CRISP2: variants seen among roughly 807,000 people sequenced by gnomAD.
CRISP2 encodes the protein cysteine rich secretory protein 2, also known as cysteine-rich secretory protein 2.
A neutral mutation model predicts 31.7 loss-of-function variants in CRISP2; 29 were observed. The ratio of observed to expected loss-of-function variants is 0.92; its 90% CI spans 0.68 to 1.25. The LOEUF (loss-of-function observed/expected upper bound fraction) is 1.25. CRISP2 is among the 50% of genes most tolerant of loss of function. The pLI is 0.00. For synonymous variants in CRISP2, 111 were observed against 101.4 expected (o/e 1.09, Z -0.57); for missense variants, 318 against 286.5 (o/e 1.11, Z -0.79).
the CRISP2 span, among the ~76,000 whole-genome samples, chr6:49,682,601 T>TTC: frequency 1.6e-5 from 1 of 62,574 alleles, no homozygotes; most frequent in Non-Finnish European, 2.6e-5. Context: ...CTTTCTTTCT[T>TTC]TCTTTCTTTC....
chr6:49,701,726 TAATG>T (rs1765886033), intron 4 of CRISP2, among the ~76,000 whole-genome samples: 1 of 111,036 alleles, frequency 9.0e-6, no homozygotes, highest in Non-Finnish European at 1.7e-5. Flanking sequence ...AATGTATATA[TAATG>T]TATATATACA....
chr6:49,697,990 G>A (rs1280250832), intron 7 of CRISP2, 33 bp from the exon 8 acceptor site: 1 of 1,460,722 alleles, frequency 6.8e-7, no homozygotes, highest in African/African-American at 1.4e-5. Context: ...ATATATAAAA[G>A]TACATTAGAG....
intron 9 of CRISP2, among the ~76,000 whole-genome samples, chr6:49,693,931 G>A (rs553701746): frequency 5.9e-5 from 9 of 152,052 alleles, no homozygotes; most frequent in Non-Finnish European, 1.3e-4. Flanking sequence ...TCGAGGGCTG[G>A]TCACTGGTAC....
the CRISP2 span, among the ~76,000 whole-genome samples, chr6:49,683,211 G>A: frequency 1.3e-5 from 2 of 149,080 alleles, no homozygotes; most frequent in African/African-American, 4.9e-5. Context: ...GAGACATGCA[G>A]TGTATACAAT....
At chr6:49,699,350 A>G (rs942557507) in intron 6 of CRISP2, among the ~76,000 whole-genome samples, 7 of 152,052 alleles carry the variant, frequency 4.6e-5, no homozygotes, top group African/African-American at 1.7e-4. Context: ...ATAATTCATC[A>G]TAAGTTCAAT....
At chr6:49,698,010 A>C in intron 7 of CRISP2, 53 bp from the exon 8 acceptor site, 1 of 1,359,880 alleles carries the variant, frequency 7.4e-7, no homozygotes, top group Non-Finnish European at 1.0e-6. Context: ...GAAGATGAAA[A>C]ATATTTAAAA....
intron 8 of CRISP2, among the ~76,000 whole-genome samples, chr6:49,696,849 T>C (rs1582037075): frequency 6.6e-6 from 1 of 152,132 alleles, no homozygotes; most frequent in Non-Finnish European, 1.5e-5. Context: ...GTGAAACAGA[T>C]ATAAAAGGAT....
intron 4 of CRISP2, among the ~76,000 whole-genome samples, chr6:49,705,958 C>A (rs1766946358): frequency 6.6e-6 from 1 of 152,284 alleles, no homozygotes; most frequent in Non-Finnish European, 1.5e-5. Flanking sequence ...TCCTGCCATG[C>A]TCCTGCAGTG....
chr6:49,711,253 A>G (rs1319830558), intron 3 of CRISP2, 32 bp downstream of exon 3: 1 of 152,234 alleles, frequency 6.6e-6, no homozygotes, highest in Non-Finnish European at 1.5e-5. Context: ...ATGATAAAAT[A>G]TTCACATTAA....
At chr6:49,702,275 G>A (rs1374534921) in intron 4 of CRISP2, among the ~76,000 whole-genome samples, 1 of 148,390 alleles carries the variant, frequency 6.7e-6, no homozygotes, top group African/African-American at 2.5e-5. Context: ...ACATGCGTGT[G>A]CAAGTGTCTT....
At chr6:49,710,117 G>T (rs1303592520) in intron 3 of CRISP2, among the ~76,000 whole-genome samples, 1 of 152,174 alleles carries the variant, frequency 6.6e-6, no homozygotes, top group East Asian at 1.9e-4. Context: ...TGGAAAGAAA[G>T]AAAATTCCGA....
chr6:49,684,869 A>G, the CRISP2 span, among the ~76,000 whole-genome samples: 1 of 152,202 alleles, frequency 6.6e-6, no homozygotes. Flanking sequence ...CTAAACTTTC[A>G]GTCAATTAGT....
At chr6:49,702,330 G>C (rs1766229413) in intron 4 of CRISP2, among the ~76,000 whole-genome samples, 1 of 150,724 alleles carries the variant, frequency 6.6e-6, no homozygotes, top group Non-Finnish European at 1.5e-5. Flanking sequence ...ATACTCAGTA[G>C]TGAAATTGCT....
the CRISP2 span, among the ~76,000 whole-genome samples, chr6:49,678,729 C>G: frequency 1.3e-5 from 2 of 152,156 alleles, no homozygotes; most frequent in Non-Finnish European, 2.9e-5. Context: ...TCACTGTACA[C>G]TAAGCAGGAG....
At chr6:49,685,028 T>C in the CRISP2 span, among the ~76,000 whole-genome samples, 9 of 152,176 alleles carry the variant, frequency 5.9e-5, no homozygotes, top group African/African-American at 2.2e-4. Context: ...GGGAACTCTG[T>C]GAGCACACTG....
the CRISP2 span, among the ~76,000 whole-genome samples, chr6:49,677,724 C>A: frequency 6.6e-6 from 1 of 151,968 alleles, no homozygotes; most frequent in Non-Finnish European, 1.5e-5. Context: ...GTGCAGGATA[C>A]TAAACAGAGG....
chr6:49,700,898 CATG>C (rs1277460437), intron 4 of CRISP2, 114 bp from the exon 5 acceptor site: 1 of 623,062 alleles, frequency 1.6e-6, no homozygotes, highest in Non-Finnish European at 2.8e-6. Flanking sequence ...AAATAGTTAT[CATG>C]TACATATATT....
At chr6:49,682,143 T>G in the CRISP2 span, among the ~76,000 whole-genome samples, 1 of 152,146 alleles carries the variant, frequency 6.6e-6, no homozygotes, top group Non-Finnish European at 1.5e-5. Flanking sequence ...CCTCATCTTC[T>G]TGTTTTTGAC....
intron 4 of CRISP2, among the ~76,000 whole-genome samples, chr6:49,701,437 T>C (rs1765661331): frequency 6.8e-6 from 1 of 148,050 alleles, no homozygotes; most frequent in South Asian, 2.1e-4. Flanking sequence ...CCATCCAGGT[T>C]GCTGCAAATG....
Sources: gnomAD v4.1 joint callset for allele counts (sites outside exome capture counted in the v4.1 genomes callset) on GRCh38, gnomAD v4.1.1 for gene constraint, MANE v1.5 for transcripts, NCBI Gene and HGNC (gene_info 2026-07-23, HGNC 2026-07-21) for gene names.